PLLP: variants seen among roughly 807,000 people sequenced by gnomAD.
PLLP encodes plasma membrane proteolipid (plasmolipin).
In PLLP, 15 loss-of-function variants were observed where a neutral mutation model predicts 19.7. The ratio of observed to expected loss-of-function variants is 0.76; its 90% CI spans 0.51 to 1.17. The LOEUF (loss-of-function observed/expected upper bound fraction) is 1.17. Among genes scored for constraint, PLLP ranks in the 50% most tolerant of loss-of-function variants. The probability of loss-of-function intolerance (pLI) is 0.00; values close to 1 mark genes in which losing one functional copy is unlikely to be tolerated. For synonymous variants in PLLP, 111 were observed against 116.3 expected (o/e 0.95, Z 0.29); for missense variants, 255 against 258.3 (o/e 0.99, Z 0.09).
At chr16:57,275,891 G>C (rs1341718791) in intron 1 of PLLP, among the ~76,000 whole-genome samples, 1 of 152,210 alleles carries the variant, frequency 6.6e-6, no homozygotes, top group Non-Finnish European at 1.5e-5. Flanking sequence ...CGAGGCAGGA[G>C]TACTGCTTGA....
Position 57,266,190 on chromosome 16 carries a change from C to T in PLLP, c.136-4120G>A, listed in dbSNP as rs115546871. 8.9e-3 allele frequency among the ~76,000 whole-genome samples: 1,351 copies of T among 152,224 alleles called. 25 individuals carry two copies. The highest frequency in any genetic ancestry group is 0.031 in the African/African-American group (1,285 of 41,526). Reference sequence around the variant, plus strand: ...GGGCACCCAGGCTCCCCCCACTGCCCGCCGCCATCCCTGCCCCGCCCTGTG... The same window carrying T: ...GGGCACCCAGGCTCCCCCCACTGCCTGCCGCCATCCCTGCCCCGCCCTGTG... On this transcript the variant is annotated intron_variant, in intron 1 of 3. Coordinates refer to ENST00000219207, the MANE Select transcript of PLLP (RefSeq NM_015993.3).
chr16:57,270,808 G>A (rs2075472448), intron 1 of PLLP, among the ~76,000 whole-genome samples: 2 of 152,196 alleles, frequency 1.3e-5, no homozygotes, highest in Non-Finnish European at 2.9e-5. Context: ...GGCGACAGCA[G>A]ACTCGGAACC....
intron 1 of PLLP, among the ~76,000 whole-genome samples, chr16:57,267,277 A>C (rs1394867120): frequency 6.6e-6 from 1 of 152,170 alleles, no homozygotes; most frequent in Non-Finnish European, 1.5e-5. Flanking sequence ...CTTATTTGAA[A>C]ACAGGCTCTG....
At chr16:57,283,768 G>A (rs1901247358) in intron 1 of PLLP, among the ~76,000 whole-genome samples, 1 of 152,224 alleles carries the variant, frequency 6.6e-6, no homozygotes. Context: ...TGGCTAAACC[G>A]GCTGAAACCT....
intron 1 of PLLP, among the ~76,000 whole-genome samples, chr16:57,270,810 C>T (rs2075472457): frequency 6.6e-6 from 1 of 152,174 alleles, no homozygotes; most frequent in African/African-American, 2.4e-5. Flanking sequence ...CGACAGCAGA[C>T]TCGGAACCCA....
rs538807695 is a variant in PLLP, at chr16:57,266,996, C to T, written c.136-4926G>A. ...AAAGAATTTCCAAACAATTGGGTAACGAAGAGATGTTTTTGTTAAAACCAC... is the reference window on the plus strand; with the variant it reads ...AAAGAATTTCCAAACAATTGGGTAATGAAGAGATGTTTTTGTTAAAACCAC... On this transcript the variant is annotated intron_variant, in intron 1 of 3. Coordinates refer to ENST00000219207, the MANE Select transcript of PLLP (RefSeq NM_015993.3). 6.0e-4 allele frequency among the ~76,000 whole-genome samples: 90 copies of T among 149,850 alleles called. 1 individual carries two copies. The highest frequency in any genetic ancestry group is 1.3e-3 in the African/African-American group (55 of 40,822).
At chr16:57,260,258 A>G (rs893663065) in intron 2 of PLLP, among the ~76,000 whole-genome samples, 27 of 152,182 alleles carry the variant, frequency 1.8e-4, no homozygotes, top group African/African-American at 6.3e-4. Flanking sequence ...GTCCAGAAGC[A>G]CAAGAAGCAA....
At position 57,284,629 on chromosome 16, in the gene PLLP, A is replaced by G; in HGVS notation, c.-89T>C. ...CCGGCTCCCGCGCCGCTTTTCCCCC[A>G]GGCTCCGGATCCCTGTGTGGCTCCA... On this transcript the variant is annotated 5_prime_UTR_variant, in exon 1 of 4. Coordinates refer to ENST00000219207, the MANE Select transcript of PLLP (RefSeq NM_015993.3). The G allele has an allele frequency of 1.7e-6, 2 of 1,210,626 alleles. No homozygotes were observed. The highest frequency in any genetic ancestry group is 6.2e-5 in the East Asian group (2 of 32,250). The allele number at this position is 1,210,626 out of a possible 1,614,324, so 75.0% of individuals were successfully genotyped here.
At chr16:57,277,689 T>C (rs1901170359) in intron 1 of PLLP, among the ~76,000 whole-genome samples, 1 of 152,070 alleles carries the variant, frequency 6.6e-6, no homozygotes, top group African/African-American at 2.4e-5. Flanking sequence ...TATCCCTAGG[T>C]GTATTGCCCT....
At chr16:57,261,827 T>C in intron 2 of PLLP, 70 bp downstream of exon 2, 3 of 1,425,704 alleles carry the variant, frequency 2.1e-6, no homozygotes, top group Non-Finnish European at 3.0e-6. Flanking sequence ...CCCCACACCC[T>C]GCCACTTCTT....
intron 1 of PLLP, among the ~76,000 whole-genome samples, chr16:57,277,981 C>G (rs556921963): frequency 6.6e-6 from 1 of 152,184 alleles, no homozygotes; most frequent in South Asian, 2.1e-4. Flanking sequence ...GCTAAATGAG[C>G]AGAGGCTGCC....
At chr16:57,268,891 G>A (rs2075465816) in intron 1 of PLLP, among the ~76,000 whole-genome samples, 1 of 152,200 alleles carries the variant, frequency 6.6e-6, no homozygotes. Context: ...TCGCCACGGT[G>A]TGTGAGGCTC....
At chr16:57,277,193 T>C (rs762160104) in intron 1 of PLLP, among the ~76,000 whole-genome samples, 3 of 152,062 alleles carry the variant, frequency 2.0e-5, no homozygotes, top group Non-Finnish European at 4.4e-5. Context: ...AAACTGAGAG[T>C]GGGCATGAAG....
intron 2 of PLLP, 88 bp from the exon 3 acceptor site, chr16:57,258,672 A>C: frequency 1.5e-6 from 2 of 1,359,992 alleles, no homozygotes. Context: ...CTGTAATCCC[A>C]GCACTTTGCG....
chr16:57,272,249 G>C lies in PLLP; in HGVS notation c.136-10179C>G, dbSNP rs543976785. On this transcript the variant is annotated intron_variant, in intron 1 of 3. Coordinates refer to ENST00000219207, the MANE Select transcript of PLLP (RefSeq NM_015993.3). ...CCTGGTAAGGGTTGGGACCTGGATAGTTCTGTGGCCCAGGCTCCCCTTCCC... is the reference window on the plus strand; with the variant it reads ...CCTGGTAAGGGTTGGGACCTGGATACTTCTGTGGCCCAGGCTCCCCTTCCC... Among the ~76,000 whole-genome samples the C allele has an allele frequency of 2.6e-5, 4 of 152,316 alleles. No homozygotes were observed. In the East Asian group the frequency reaches 7.7e-4, roughly 29 times the overall value.
chr16:57,256,896 GC>G lies in PLLP; in HGVS notation c.*16del. 6.4e-7 allele frequency: 1 copy of G among 1,558,426 alleles called. No individual in the cohort carries two copies. The highest frequency in any genetic ancestry group is 8.8e-7 in the Non-Finnish European group (1 of 1,131,316). ...AGCGGCGGCTTCAGCCCCAGAGGGG[GC>G]CGTGGCACAGGTGGTTTAGGCATAG... On this transcript the variant is annotated 3_prime_UTR_variant, in exon 4 of 4. Coordinates refer to ENST00000219207, the MANE Select transcript of PLLP (RefSeq NM_015993.3).
chr16:57,262,304 C>A (rs1257601052), intron 1 of PLLP, among the ~76,000 whole-genome samples: 1 of 152,116 alleles, frequency 6.6e-6, no homozygotes, highest in African/African-American at 2.4e-5. Flanking sequence ...GTAATCCCAG[C>A]ACTTTGGGAG....
At position 57,260,829 on chromosome 16, in the gene PLLP, C is replaced by A. The variant is rs1597958907; in HGVS notation, c.309+1068G>T. The stretch of plus-strand genomic sequence containing the variant: ...CTCCCAGGCCTCAGGGCCTCACCTG[C>A]AGGCAGCCAGGTGCCCGAGCTTGTC... On this transcript the variant is annotated intron_variant, in intron 2 of 3. Transcript: ENST00000219207. 2.0e-5 allele frequency among the ~76,000 whole-genome samples: 3 copies of A among 152,346 alleles called. No homozygotes were observed. In the East Asian group the frequency reaches 5.8e-4, roughly 29 times the overall value.
At chr16:57,267,071 T>C (rs527923527) in intron 1 of PLLP, among the ~76,000 whole-genome samples, 1 of 152,262 alleles carries the variant, frequency 6.6e-6, no homozygotes, top group African/African-American at 2.4e-5. Flanking sequence ...CAAGAGGCAC[T>C]CCTTGCTGCA....
Sources: gnomAD v4.1 joint callset for allele counts (sites outside exome capture counted in the v4.1 genomes callset) on GRCh38, gnomAD v4.1.1 for gene constraint, MANE v1.5 for transcripts, NCBI Gene and HGNC (gene_info 2026-07-23, HGNC 2026-07-21) for gene names.